INPP5B: variants seen among roughly 807,000 people sequenced by gnomAD.
INPP5B encodes type II inositol 1,4,5-trisphosphate 5-phosphatase.
A neutral mutation model predicts 118.5 loss-of-function variants in INPP5B; 90 were observed. The ratio of observed to expected loss-of-function variants is 0.76; its 90% CI spans 0.64 to 0.90. The LOEUF is 0.90. Ranked by LOEUF, INPP5B falls within the 40% of genes least tolerant of loss-of-function variation. The probability of loss-of-function intolerance (pLI) is 0.00; values close to 1 mark genes in which losing one functional copy is unlikely to be tolerated. For missense variants in INPP5B, 984 were observed against 1,125.6 expected (o/e 0.87, Z 1.80); for synonymous variants, 385 against 418.9 (o/e 0.92, Z 0.99).
intron 7 of INPP5B, among the ~76,000 whole-genome samples, chr1:37,909,113 T>C (rs1213872940): frequency 6.6e-6 from 1 of 152,168 alleles, no homozygotes; most frequent in East Asian, 1.9e-4. Context: ...AGATAATTCT[T>C]GTCATAAAAT....
intron 7 of INPP5B, among the ~76,000 whole-genome samples, chr1:37,918,857 C>G (rs941072894): frequency 6.6e-6 from 1 of 152,204 alleles, no homozygotes; most frequent in Non-Finnish European, 1.5e-5. Context: ...TCCATCACTC[C>G]TAATCCCCCA....
At position 37,868,436 on chromosome 1, in the gene INPP5B, T is replaced by C. The variant is rs1316755053; in HGVS notation, c.2301+65A>G. 5.7e-6 allele frequency: 6 copies of C among 1,044,750 alleles called. No individual in the cohort carries two copies. In the Admixed American group the frequency reaches 7.0e-5, roughly 12 times the overall value. 64.7% of individuals were successfully genotyped at this position (1,044,750 alleles called of 1,614,324 possible). A position where few individuals can be genotyped will look rare whatever the true frequency, so the allele number is the denominator to read the frequency against. ...CACAGTTTCCTTATGAAAAAAGTTC[T>C]TGGGGCTGATGGTCCTCAAGGCAGC... is the stretch of plus-strand genomic sequence containing the variant. On this transcript the variant is annotated intron_variant, in intron 20 of 23. Transcript: ENST00000373024.
chr1:37,927,007 G>A (rs1021563437), intron 7 of INPP5B, among the ~76,000 whole-genome samples: 5 of 152,174 alleles, frequency 3.3e-5, no homozygotes, highest in Non-Finnish European at 7.3e-5. Context: ...AGAACAGTGA[G>A]GCCAGGCGCG....
At chr1:37,938,630 G>T (rs1015441138) in intron 6 of INPP5B, among the ~76,000 whole-genome samples, 2 of 152,194 alleles carry the variant, frequency 1.3e-5, no homozygotes, top group Non-Finnish European at 2.9e-5. Context: ...TCAAGGGGCT[G>T]TATAGCTTCA....
At chr1:37,932,112 G>C (rs548093650) in intron 6 of INPP5B, 59 bp from the exon 7 acceptor site, 83 of 1,480,046 alleles carry the variant, frequency 5.6e-5, no homozygotes, top group Non-Finnish European at 7.4e-5. Flanking sequence ...GGCTCTGCAT[G>C]ATTGTATTAT....
chr1:37,871,970 A>T (rs368122947), intron 19 of INPP5B, among the ~76,000 whole-genome samples: 1 of 148,006 alleles, frequency 6.8e-6, no homozygotes, highest in South Asian at 2.2e-4. Flanking sequence ...TGGCAGAGGC[A>T]GGAGAATCAC....
At chr1:37,931,420 C>G in intron 7 of INPP5B, 1 of 1,511,318 alleles carries the variant, frequency 6.6e-7, no homozygotes. Flanking sequence ...GAGTTCGGAA[C>G]GGAGCTTTAC....
intron 7 of INPP5B, among the ~76,000 whole-genome samples, chr1:37,917,714 G>C (rs1178804467): frequency 6.6e-6 from 1 of 152,048 alleles, no homozygotes; most frequent in Non-Finnish European, 1.5e-5. Flanking sequence ...AGGATGGCTT[G>C]GGACCAGGAG....
intron 5 of INPP5B, 39 bp from the exon 6 acceptor site, chr1:37,940,837 G>A (rs1054315336): frequency 1.4e-6 from 2 of 1,406,402 alleles, no homozygotes; most frequent in Middle Eastern, 3.5e-4. Context: ...TTGGCTGCCA[G>A]GAGCTAAGTG....
chr1:37,928,245 C>T (rs1287273678), intron 7 of INPP5B, among the ~76,000 whole-genome samples: 1 of 152,158 alleles, frequency 6.6e-6, no homozygotes, highest in Non-Finnish European at 1.5e-5. Context: ...GCGATCTCAG[C>T]TCACTGCAAT....
At position 37,873,054 on chromosome 1, in the gene INPP5B, C is replaced by T. The variant is rs1642560610; in HGVS notation, c.2063G>A (p.Gly688Glu). Residue 688 changes from glycine (G) to glutamate (E), a missense_variant, in exon 19 of 24, where the codon GGA (glycine) becomes GAA (glutamate). Gly to Glu is a moderately conservative substitution (Grantham distance 98). Around this residue, in one of 2 missense-constraint regions of INPP5B, gnomAD observed 634 missense variants for 791.0 expected, o/e 0.80. Transcript: ENST00000373024. The part of the protein sequence containing the change: ...EDILVLHLDR[G>E]KDYFLSVSGN... ...AGACACAGACAAAAAGTAATCCTTTCCCCTGTCCAAGTGCAGAACCAGAAT... is the reference window on the plus strand; with the variant it reads ...AGACACAGACAAAAAGTAATCCTTTTCCCTGTCCAAGTGCAGAACCAGAAT... The T allele has an allele frequency of 6.2e-7, 1 of 1,614,122 alleles. No homozygotes were observed. The highest frequency in any genetic ancestry group is 1.1e-5 in the South Asian group (1 of 91,080).
chr1:37,877,296 C>T (rs573679800), intron 16 of INPP5B, among the ~76,000 whole-genome samples: 1 of 142,406 alleles, frequency 7.0e-6, no homozygotes, highest in Non-Finnish European at 1.5e-5. Flanking sequence ...AAGCTGAAAT[C>T]ACGCCACTGC....
chr1:37,904,597 G>A (rs1260047508), intron 7 of INPP5B, among the ~76,000 whole-genome samples: 1 of 152,152 alleles, frequency 6.6e-6, no homozygotes, highest in Non-Finnish European at 1.5e-5. Flanking sequence ...CAAAGGGTTG[G>A]CCAGTCACGT....
intron 7 of INPP5B, among the ~76,000 whole-genome samples, chr1:37,921,214 C>CCATTTAT (rs904282832): frequency 3.8e-4 from 58 of 152,310 alleles, no homozygotes; most frequent in African/African-American, 1.3e-3. Context: ...GTAAGTGCTA[C>CCATTTAT]TAATAATGAT....
chr1:37,907,438 AC>A lies in INPP5B; in HGVS notation c.533-15985del. Reference sequence around the variant, plus strand: ...GAAGATGGATTTTCATCCCTTTGCAACCCTTATGATTAAGGGCTCTTTTATA... The same window carrying A: ...GAAGATGGATTTTCATCCCTTTGCAACCTTATGATTAAGGGCTCTTTTATA... On this transcript the variant is annotated intron_variant, in intron 7 of 23. Coordinates refer to ENST00000373024, the MANE Select transcript of INPP5B (RefSeq NM_005540.3). The surrounding 1 kb of genome is among the most constrained non-coding windows in gnomAD (Gnocchi z 4.3). Among the ~76,000 whole-genome samples the A allele has an allele frequency of 6.6e-6, 1 of 152,162 alleles. No homozygotes were observed. The highest frequency in any genetic ancestry group is 1.9e-4 in the East Asian group (1 of 5,174).
Position 37,885,626 on chromosome 1 carries a change from G to C in INPP5B, c.1319+12C>G, listed in dbSNP as rs761442109. On this transcript the variant is annotated intron_variant, in intron 13 of 23. Coordinates refer to ENST00000373024, the MANE Select transcript of INPP5B (RefSeq NM_005540.3). Reference sequence around the variant, plus strand: ...TCATGGTGAACCGCATGGGGTGGAAGCCCAGACTCACTCATGGTTGCTGAT... The same window carrying C: ...TCATGGTGAACCGCATGGGGTGGAACCCCAGACTCACTCATGGTTGCTGAT... 1 of 1,612,262 alleles carries C rather than the reference G, an allele frequency of 6.2e-7. No homozygotes were observed. Among genetic ancestry groups the C allele is most frequent in the Admixed American group, 1.7e-5 (1 of 60,004 alleles).
chr1:37,891,350 T>C lies in INPP5B; in HGVS notation c.629+8A>G. On this transcript the variant is annotated splice_region_variant and intron_variant, in intron 8 of 23. Coordinates refer to ENST00000373024, the MANE Select transcript of INPP5B (RefSeq NM_005540.3). ...TACAAGGGACAAGTGAAGGGAGAGT[T>C]GCATTACCTTGGTTGCAAGCTTTCT... 1 of 1,605,694 alleles carries C rather than the reference T, an allele frequency of 6.2e-7. No individual in the cohort carries two copies. Among genetic ancestry groups the C allele is most frequent in the South Asian group, 1.1e-5 (1 of 90,894 alleles).
At chr1:37,871,895 C>CA (rs368128622) in intron 19 of INPP5B, among the ~76,000 whole-genome samples, 13,132 of 112,444 alleles carry the variant, frequency 0.12, 776 homozygotes, top group Middle Eastern at 0.28. Flanking sequence ...GACTCTGTTT[C>CA]AAAAAAAAAA....
chr1:37,866,701 T>C (rs1259412673), intron 20 of INPP5B, among the ~76,000 whole-genome samples, 158 bp from the exon 21 acceptor site: 1 of 152,200 alleles, frequency 6.6e-6, no homozygotes, highest in Non-Finnish European at 1.5e-5. Context: ...ATGTGGCGAA[T>C]TCATCTTGCA....
Sources: allele counts gnomAD v4.1 joint callset (sites outside exome capture counted in the v4.1 genomes callset), GRCh38; gene constraint gnomAD v4.1.1; regional missense constraint gnomAD v4.1.1; non-coding constraint Gnocchi (gnomAD v3.1); transcripts MANE v1.5; gene names NCBI Gene and HGNC (gene_info 2026-07-23, HGNC 2026-07-21).